The following MID1 variants were observed in gnomAD, a reference collection of about 807,000 sequenced individuals.
MID1 encodes the protein E3 ubiquitin-protein ligase Midline-1.
Under a neutral mutation model 40.4 loss-of-function variants are expected in MID1, and 7 were observed. The ratio of observed to expected loss-of-function variants is 0.17; its 90% CI spans 0.10 to 0.33. The LOEUF (loss-of-function observed/expected upper bound fraction) is 0.33. MID1 is among the 10% of genes least tolerant of loss of function. The pLI, the probability that MID1 is intolerant of heterozygous loss-of-function variation, is 1.00. For missense variants in MID1, 367 were observed against 558.5 expected (o/e 0.66, Z 3.46); for synonymous variants, 229 against 221.2 (o/e 1.04, Z -0.31).
At chrX:10,611,233 T>G (rs1366676436) in intron 1 of MID1, among the ~76,000 whole-genome samples, 1 of 112,228 alleles carries the variant, frequency 8.9e-6, no homozygotes, top group African/African-American at 3.2e-5. Context: ...GTTGATCACT[T>G]GAAGAACTCA....
intron 1 of MID1, among the ~76,000 whole-genome samples, chrX:10,767,555 G>A (rs973388735): frequency 1.8e-5 from 2 of 111,505 alleles, no homozygotes; most frequent in African/African-American, 6.5e-5. Context: ...TCGTGACCTC[G>A]TGATCCACCC....
At chrX:10,716,198 G>T (rs1194751874) in intron 1 of MID1, among the ~76,000 whole-genome samples, 1 of 112,310 alleles carries the variant, frequency 8.9e-6, no homozygotes, top group Non-Finnish European at 1.9e-5. Context: ...CATGGAGAAT[G>T]ATTTTGACGA....
At chrX:10,520,196 C>T (rs1180401425) in intron 3 of MID1, among the ~76,000 whole-genome samples, 4 of 111,647 alleles carry the variant, frequency 3.6e-5, no homozygotes, top group African/African-American at 1.3e-4. Flanking sequence ...CTCTTTTAAT[C>T]CCCCCTTCTC....
chrX:10,790,717 C>A (rs1391830779), intron 1 of MID1, among the ~76,000 whole-genome samples: 2 of 111,252 alleles, frequency 1.8e-5, no homozygotes, highest in Non-Finnish European at 3.8e-5. Flanking sequence ...CTGAAAGTAG[C>A]CCCTTCATCA....
At chrX:10,625,504 C>G (rs1483070676), upstream of MID1, among the ~76,000 whole-genome samples, 1 of 112,272 alleles carries the variant, frequency 8.9e-6, no homozygotes, top group Non-Finnish European at 1.9e-5. Context: ...TAAATGTTTA[C>G]TGAGTTGTTG....
intron 1 of MID1, among the ~76,000 whole-genome samples, chrX:10,604,301 C>T (rs1935585971): frequency 9.0e-6 from 1 of 111,477 alleles, no homozygotes; most frequent in South Asian, 3.8e-4. Flanking sequence ...CCTGAACTTG[C>T]TGGATCATTA....
intron 1 of MID1, among the ~76,000 whole-genome samples, chrX:10,590,538 G>C (rs1183917566): frequency 3.6e-5 from 4 of 111,257 alleles, no homozygotes; most frequent in African/African-American, 6.6e-5. Flanking sequence ...CCAGCCCAAA[G>C]ACTTTTTGGC....
chrX:10,624,193 C>T (rs1198232023), upstream of MID1, among the ~76,000 whole-genome samples: 5 of 112,154 alleles, frequency 4.5e-5, no homozygotes, highest in Admixed American at 3.8e-4. Flanking sequence ...TAATAGACCT[C>T]AGATAAGCCA....
chrX:10,472,484 G>T (rs1350535155), intron 6 of MID1, among the ~76,000 whole-genome samples: 1 of 112,346 alleles, frequency 8.9e-6, no homozygotes, highest in Non-Finnish European at 1.9e-5. Context: ...ATAATTATTG[G>T]GAAATGGCAA....
chrX:10,790,061 C>A (rs1250430498), intron 1 of MID1, among the ~76,000 whole-genome samples: 2 of 111,832 alleles, frequency 1.8e-5, no homozygotes, highest in Non-Finnish European at 3.8e-5. Context: ...TTCCCTCTAA[C>A]TGGAAATATC....
intron 1 of MID1, among the ~76,000 whole-genome samples, chrX:10,738,086 A>ATCTCAGTAC (rs1172271341): frequency 9.0e-6 from 1 of 111,340 alleles, no homozygotes; most frequent in East Asian, 2.8e-4. Flanking sequence ...CTCTCGAGAA[A>ATCTCAGTAC]TGCAAATCTC....
intron 1 of MID1, among the ~76,000 whole-genome samples, chrX:10,801,308 T>C (rs1037985253): frequency 6.2e-5 from 7 of 112,152 alleles, no homozygotes; most frequent in African/African-American, 2.3e-4. Context: ...ATGACACTGT[T>C]TGACAATTTC....
chrX:10,611,908 T>A (rs1460038153), intron 1 of MID1, among the ~76,000 whole-genome samples: 1 of 111,344 alleles, frequency 9.0e-6, no homozygotes, highest in Non-Finnish European at 1.9e-5. Flanking sequence ...CAAAACTAGG[T>A]CAAAGCACGA....
intron 3 of MID1, among the ~76,000 whole-genome samples, chrX:10,503,856 G>C (rs1038737643): frequency 8.9e-6 from 1 of 112,379 alleles, no homozygotes; most frequent in African/African-American, 3.2e-5. Context: ...ACACTGTGGT[G>C]AGTAGAGCAA....
chrX:10,498,445 A>G (rs1383605757), intron 3 of MID1, among the ~76,000 whole-genome samples: 1 of 112,065 alleles, frequency 8.9e-6, no homozygotes, highest in Non-Finnish European at 1.9e-5. Context: ...GCCTTATTGG[A>G]ATATATTTCA....
At position 10,770,609 on chromosome X, in the gene MID1, G is replaced by A. The variant is rs750655234; in HGVS notation, c.-187+62945C>T. ...TTCTGACTAAACTCATCACAGGCTA[G>A]TGTTTACGTAGGTAGTCCATTAGTT... On this transcript the variant is annotated intron_variant, in intron 1 of 10. Transcript: ENST00000380785. Among the ~76,000 whole-genome samples the A allele has an allele frequency of 1.3e-4, 15 of 111,864 alleles. No homozygotes were observed. The Admixed American group carries it at 1.4e-3, about 11-fold the overall frequency.
At chrX:10,633,300 C>T (rs958644779) in intron 1 of MID1, among the ~76,000 whole-genome samples, 1 of 110,722 alleles carries the variant, frequency 9.0e-6, no homozygotes, top group African/African-American at 3.3e-5. Flanking sequence ...TTCATTAGTT[C>T]CCCTATATAT....
chrX:10,587,466 T>C (rs1602440957), intron 1 of MID1, among the ~76,000 whole-genome samples: 1 of 112,834 alleles, frequency 8.9e-6, no homozygotes, highest in Admixed American at 9.3e-5. Flanking sequence ...GGTGCCGGAC[T>C]TTGGGATATA....
At chrX:10,622,663 G>A (rs777282216), upstream of MID1, among the ~76,000 whole-genome samples, 4 of 111,619 alleles carry the variant, frequency 3.6e-5, no homozygotes, top group East Asian at 5.7e-4. Context: ...AAATCTGCTG[G>A]CACCTTGATC....
Sources: allele counts gnomAD v4.1 joint callset (sites outside exome capture counted in the v4.1 genomes callset), GRCh38; gene constraint gnomAD v4.1.1; transcripts MANE v1.5; gene names NCBI Gene and HGNC (gene_info 2026-07-23, HGNC 2026-07-21).